ZMIZ1: variants seen among roughly 807,000 people sequenced by gnomAD.
ZMIZ1 encodes zinc finger MIZ-type containing 1.
Under a neutral mutation model 113.9 loss-of-function variants are expected in ZMIZ1, and 17 were observed. That is an observed-to-expected ratio of 0.15 (90% CI 0.10 to 0.22). The LOEUF (loss-of-function observed/expected upper bound fraction) is 0.22. Ranked by LOEUF, ZMIZ1 falls within the 10% of genes least tolerant of loss-of-function variation. The pLI is 1.00. For synonymous variants in ZMIZ1, 607 were observed against 603.1 expected, an observed-to-expected ratio of 1.01 and a Z score of -0.09; for missense variants, 1,059 against 1,477.8, an observed-to-expected ratio of 0.72 and a Z score of 4.65.
chr10:79,216,140 C>A, intron 6 of ZMIZ1, 29 bp from the exon 7 acceptor site: 3 of 1,451,418 alleles, frequency 2.1e-6, no homozygotes, highest in Non-Finnish European at 2.7e-6. Context: ...CTCCGTGACT[C>A]ACCTGCCCTC....
At chr10:79,070,635 C>T (rs896198950) in intron 1 of ZMIZ1, among the ~76,000 whole-genome samples, 5 of 152,094 alleles carry the variant, frequency 3.3e-5, no homozygotes, top group African/African-American at 9.7e-5. Context: ...CCTTCCCTTC[C>T]CACCTCGTCC....
chr10:79,144,811 T>C (rs1845415153), intron 3 of ZMIZ1, among the ~76,000 whole-genome samples: 1 of 152,246 alleles, frequency 6.6e-6, no homozygotes, highest in Admixed American at 6.5e-5. Flanking sequence ...TAATTCCCAT[T>C]TGATTTGTCA....
chr10:79,288,310 C>T (rs1476254499), intron 8 of ZMIZ1, among the ~76,000 whole-genome samples: 1 of 152,206 alleles, frequency 6.6e-6, no homozygotes, highest in East Asian at 1.9e-4. Flanking sequence ...CCTTGCATCC[C>T]CAGAGGTGCC....
chr10:79,233,507 T>C (rs1290320684), intron 7 of ZMIZ1, among the ~76,000 whole-genome samples: 1 of 152,222 alleles, frequency 6.6e-6, no homozygotes, highest in South Asian at 2.1e-4. Context: ...TGAAGGTGTA[T>C]TCCTGATGAC....
chr10:79,267,738 G>T (rs1168673086), intron 7 of ZMIZ1, among the ~76,000 whole-genome samples: 1 of 152,202 alleles, frequency 6.6e-6, no homozygotes, highest in Non-Finnish European at 1.5e-5. Context: ...GGACTCTGGT[G>T]TGAGATGGGC....
At chr10:79,082,795 A>G (rs704008) in intron 1 of ZMIZ1, among the ~76,000 whole-genome samples, 87,854 of 152,104 alleles carry the variant, frequency 0.58, 26,511 homozygotes, top group African/African-American at 0.77. Flanking sequence ...GCCCTGCGTC[A>G]CTTCCAGTTC....
intron 4 of ZMIZ1, among the ~76,000 whole-genome samples, chr10:79,192,020 G>A (rs1847628663): frequency 6.6e-6 from 1 of 152,206 alleles, no homozygotes; most frequent in Admixed American, 6.5e-5. Context: ...GGGAATGAGA[G>A]AAAGCCCAAG....
Position 79,305,243 on chromosome 10 carries a change from C to T in ZMIZ1, c.2354+12C>T. ...TGTCCTGTGTGCAAGTGAGTGATGC[C>T]CACCCCGGTGGGGGCTTCCCCCATC... On this transcript the variant is annotated intron_variant, in intron 20 of 24. Coordinates refer to ENST00000334512, the MANE Select transcript of ZMIZ1 (RefSeq NM_020338.4). The T allele has an allele frequency of 6.2e-7, 1 of 1,613,574 alleles. No homozygotes were observed. Among genetic ancestry groups the T allele is most frequent in the Non-Finnish European group, 8.5e-7 (1 of 1,179,754 alleles).
chr10:79,298,861 C>T (rs1183295266), intron 15 of ZMIZ1, among the ~76,000 whole-genome samples, 189 bp from the exon 16 acceptor site: 2 of 152,186 alleles, frequency 1.3e-5, no homozygotes, highest in Admixed American at 6.5e-5. Context: ...GTCGCTGGGG[C>T]GGGGCCGTGT....
intron 3 of ZMIZ1, among the ~76,000 whole-genome samples, chr10:79,144,392 C>A (rs542125750): frequency 1.3e-5 from 2 of 152,340 alleles, no homozygotes; most frequent in South Asian, 2.1e-4. Flanking sequence ...GACTGCCTCC[C>A]CACTGGCCCC....
intron 1 of ZMIZ1, among the ~76,000 whole-genome samples, chr10:79,104,764 G>C (rs896051035): frequency 6.6e-6 from 1 of 152,198 alleles, no homozygotes; most frequent in Admixed American, 6.5e-5. Context: ...TGGCCCGCTG[G>C]CCACGGCACT....
At chr10:79,100,979 G>A (rs1843345923) in intron 1 of ZMIZ1, among the ~76,000 whole-genome samples, 1 of 152,192 alleles carries the variant, frequency 6.6e-6, no homozygotes. Context: ...CTGCAGGTCT[G>A]ATGAGGAGCA....
chr10:79,086,838 T>C (rs935269206), intron 1 of ZMIZ1, among the ~76,000 whole-genome samples: 4 of 152,216 alleles, frequency 2.6e-5, no homozygotes, highest in Admixed American at 6.5e-5. Context: ...GGCCAATCTC[T>C]TTCTTTTAAA....
chr10:79,082,941 T>C (rs1467178340), intron 1 of ZMIZ1, among the ~76,000 whole-genome samples: 2 of 152,140 alleles, frequency 1.3e-5, no homozygotes, highest in African/African-American at 4.8e-5. Flanking sequence ...GGGGTCCTTT[T>C]GTGCCTCCCC....
chr10:79,303,454 CAAAAA>C lies in ZMIZ1; in HGVS notation c.2126-541_2126-537del, dbSNP rs34154193. On this transcript the variant is annotated intron_variant, in intron 18 of 24. Transcript: ENST00000334512. ...TGGGCAACACAGCCAGACACTGCCA[CAAAAA>C]AAAAAAAAAAAAAAAAAAATTGGGA... Among the ~76,000 whole-genome samples the C allele has an allele frequency of 6.1e-5, 4 of 65,926 alleles. No homozygotes were observed. In the East Asian group the frequency reaches 1.3e-3, roughly 22 times the overall value. The allele number at this position is 65,926 out of a possible 152,430, so 43.3% of individuals were successfully genotyped here.
At chr10:79,136,618 G>C in intron 2 of ZMIZ1, among the ~76,000 whole-genome samples, 1 of 152,264 alleles carries the variant, frequency 6.6e-6, no homozygotes, top group East Asian at 1.9e-4. Context: ...CTGCCAGGCT[G>C]TCTGGGTTCA....
chr10:79,301,054 A>G (rs905024081), intron 17 of ZMIZ1, 112 bp downstream of exon 17: 3 of 1,441,958 alleles, frequency 2.1e-6, no homozygotes, highest in African/African-American at 2.8e-5. Flanking sequence ...CTGCGTCACC[A>G]CCCCCGTGCC....
At chr10:79,188,188 C>T (rs1847428684) in intron 4 of ZMIZ1, among the ~76,000 whole-genome samples, 1 of 152,174 alleles carries the variant, frequency 6.6e-6, no homozygotes, top group Admixed American at 6.5e-5. Flanking sequence ...TGCAGGAGGG[C>T]CACCCACCTC....
intron 4 of ZMIZ1, among the ~76,000 whole-genome samples, chr10:79,201,188 T>A (rs976286604): frequency 2.6e-5 from 4 of 152,094 alleles, no homozygotes; most frequent in African/African-American, 4.8e-5. Flanking sequence ...GACACCTGTA[T>A]TCCCAGCTAC....
Sources: gnomAD v4.1 joint callset for allele counts (sites outside exome capture counted in the v4.1 genomes callset) on GRCh38, gnomAD v4.1.1 for gene constraint, MANE v1.5 for transcripts, NCBI Gene and HGNC (gene_info 2026-07-23, HGNC 2026-07-21) for gene names.